Variants in UGT2B10 observed in about 807,000 individuals in gnomAD.
UGT2B10 encodes UDP glucuronosyltransferase family 2 member B10, also known as UDP-glucuronosyltransferase 2B10.
Under a neutral mutation model 43.7 loss-of-function variants are expected in UGT2B10, and 51 were observed. The observed-to-expected ratio is 1.17, with a 90% CI of 0.93 to 1.47. The LOEUF is 1.47. Among genes scored for constraint, UGT2B10 ranks in the 40% most tolerant of loss-of-function variants. The probability of loss-of-function intolerance (pLI) is 0.00; values close to 1 mark genes in which losing one functional copy is unlikely to be tolerated. For synonymous variants in UGT2B10, 225 were observed against 209.0 expected, an observed-to-expected ratio of 1.08 and a Z score of -0.66; for missense variants, 696 against 617.7, an observed-to-expected ratio of 1.13 and a Z score of -1.34.
At chr4:68,830,550 A>C (rs1300256566) in intron 5 of UGT2B10, 50 bp from the exon 6 acceptor site, 1 of 1,555,328 alleles carries the variant, frequency 6.4e-7, no homozygotes, top group East Asian at 2.3e-5. Flanking sequence ...TGATATCTAC[A>C]GGCAAATTAA....
intron 2 of UGT2B10, among the ~76,000 whole-genome samples, chr4:68,821,478 A>T (rs539845889): frequency 2.0e-5 from 3 of 152,152 alleles, no homozygotes; most frequent in Non-Finnish European, 4.4e-5. Context: ...TCAATTTAAC[A>T]GTGTGATTTC....
At chr4:68,825,329 T>C (rs1271155079) in intron 3 of UGT2B10, among the ~76,000 whole-genome samples, 1 of 151,828 alleles carries the variant, frequency 6.6e-6, no homozygotes, top group Non-Finnish European at 1.5e-5. Context: ...TTAATTAAAT[T>C]AACTTTTATT....
At chr4:68,820,976 C>T (rs1376772379) in intron 2 of UGT2B10, among the ~76,000 whole-genome samples, 1 of 152,062 alleles carries the variant, frequency 6.6e-6, no homozygotes, top group Non-Finnish European at 1.5e-5. Flanking sequence ...GGCATCAAGC[C>T]AGTAAGATGA....
At chr4:68,821,942 A>T (rs1435324517) in intron 2 of UGT2B10, among the ~76,000 whole-genome samples, 7 of 116,592 alleles carry the variant, frequency 6.0e-5, no homozygotes, top group African/African-American at 1.8e-4. Context: ...TAGCAATTAT[A>T]GTATTATAAG....
chr4:68,828,298 G>GT (rs1250304791), intron 5 of UGT2B10, among the ~76,000 whole-genome samples: 1 of 150,752 alleles, frequency 6.6e-6, no homozygotes, highest in Non-Finnish European at 1.5e-5. Flanking sequence ...TCATGTCGTT[G>GT]TGTGTTTTAA....
At chr4:68,820,736 G>T (rs993898622) in intron 2 of UGT2B10, among the ~76,000 whole-genome samples, 1 of 151,836 alleles carries the variant, frequency 6.6e-6, no homozygotes, top group African/African-American at 2.4e-5. Flanking sequence ...TATAAGTAGG[G>T]CAAAATCCAT....
At chr4:68,819,910 T>C (rs1737408977) in intron 2 of UGT2B10, among the ~76,000 whole-genome samples, 3 of 152,200 alleles carry the variant, frequency 2.0e-5, no homozygotes, top group Non-Finnish European at 4.4e-5. Flanking sequence ...TGCAATCTCT[T>C]AAAAGATCAT....
At chr4:68,822,506 G>A (rs1008057598) in intron 3 of UGT2B10, 104 bp downstream of exon 3, 11 of 1,588,644 alleles carry the variant, frequency 6.9e-6, no homozygotes, top group Non-Finnish European at 9.4e-6. Flanking sequence ...ACTATTTATA[G>A]CTGAATACAA....
Position 68,821,387 on chromosome 4 carries a change from T to A in UGT2B10, c.868-884T>A, listed in dbSNP as rs138843714. Among the ~76,000 whole-genome samples the A allele has an allele frequency of 3.5e-3, 535 of 152,246 alleles. 4 individuals are homozygous for A. The highest frequency in any genetic ancestry group is 3.2e-3 in the Non-Finnish European group (218 of 68,000). On this transcript the variant is annotated intron_variant, in intron 2 of 5. Coordinates refer to ENST00000265403, the MANE Select transcript of UGT2B10 (RefSeq NM_001075.6). ...CCCTGAAGAAAGGCCTGGTGGCCTCTCCTATTCTGGTGCAAGTGCTGCCTC... is the reference window on the plus strand; with the variant it reads ...CCCTGAAGAAAGGCCTGGTGGCCTCACCTATTCTGGTGCAAGTGCTGCCTC...
At position 68,821,771 on chromosome 4, in the gene UGT2B10, G is replaced by A. The variant is rs562817443; in HGVS notation, c.868-500G>A. Among the ~76,000 whole-genome samples, 9 of 152,250 alleles carry A rather than the reference G, an allele frequency of 5.9e-5. No individual in the cohort carries two copies. The East Asian group carries it at 1.5e-3, about 26-fold the overall frequency. ...GTAGATATAAAATTATCCCAACTGTGAGTAGCTTTTCCTCAGTACTCATAG... is the reference window on the plus strand; with the variant it reads ...GTAGATATAAAATTATCCCAACTGTAAGTAGCTTTTCCTCAGTACTCATAG... On this transcript the variant is annotated intron_variant, in intron 2 of 5. Transcript: ENST00000265403.
chr4:68,827,490 A>G lies in UGT2B10; in HGVS notation c.1249A>G (p.Asn417Asp), dbSNP rs531958095. Residue 417 changes from asparagine (N) to aspartate (D), a missense_variant, in exon 5 of 6, where the codon AAC becomes GAC. Physicochemically the swap from Asn to Asp is conservative, Grantham distance 23. Coordinates refer to ENST00000265403, the MANE Select transcript of UGT2B10 (RefSeq NM_001075.6). ...GGGAGCAGCTGTTAGAGTGGACTTCAACACAATGTCGAGTACAGACCTGCT... is the reference window on the plus strand; with the variant it reads ...GGGAGCAGCTGTTAGAGTGGACTTCGACACAATGTCGAGTACAGACCTGCT... ...AKGAAVRVDF[N>D]TMSSTDLLNA... 6.2e-7 allele frequency: 1 copy of G among 1,613,480 alleles called. No individual in the cohort carries two copies. The highest frequency in any genetic ancestry group is 1.7e-5 in the Admixed American group (1 of 59,960).
At chr4:68,823,320 A>G (rs1481349825) in intron 3 of UGT2B10, among the ~76,000 whole-genome samples, 1 of 152,120 alleles carries the variant, frequency 6.6e-6, no homozygotes, top group South Asian at 2.1e-4. Flanking sequence ...ACCCTGAACG[A>G]TATGGTGAAA....
At position 68,819,755 on chromosome 4, in the gene UGT2B10, G is replaced by C. The variant is rs372583326; in HGVS notation, c.867+1578G>C. Among the ~76,000 whole-genome samples the C allele has an allele frequency of 1.4e-4, 22 of 151,994 alleles. No homozygotes were observed. In the South Asian group the frequency reaches 2.3e-3, roughly 16 times the overall value. On this transcript the variant is annotated intron_variant, in intron 2 of 5. Coordinates refer to ENST00000265403, the MANE Select transcript of UGT2B10 (RefSeq NM_001075.6). ...AATTTCTGCCACTTGTTTCTGAATA[G>C]TGCCCTTAATTTCAATACGAAAAAA... is the stretch of plus-strand genomic sequence containing the variant.
At chr4:68,826,734 A>G (rs1388262000) in intron 4 of UGT2B10, among the ~76,000 whole-genome samples, 1 of 152,106 alleles carries the variant, frequency 6.6e-6, no homozygotes, top group Non-Finnish European at 1.5e-5. Context: ...GTGCTATTAT[A>G]TCTCACAGAA....
At chr4:68,817,229 T>C (rs1445841462) in intron 1 of UGT2B10, among the ~76,000 whole-genome samples, 3 of 151,782 alleles carry the variant, frequency 2.0e-5, no homozygotes, top group African/African-American at 7.2e-5. Flanking sequence ...AGAGATAATG[T>C]CTATATCTCA....
chr4:68,818,060 G>T lies in UGT2B10; in HGVS notation c.750G>T (p.Arg250Ser). Residue 250 changes from arginine to serine, a missense_variant, in exon 2 of 6, where the codon AGG (arginine) becomes AGT (serine). Arg to Ser is a moderately radical substitution (Grantham distance 110, BLOSUM62 -1). Coordinates refer to ENST00000265403, the MANE Select transcript of UGT2B10 (RefSeq NM_001075.6). ...GRPTTLSETM[R>S]KADIWLMRNS... ...CCACTACATTATCTGAGACAATGAG[G>T]AAAGCTGACATATGGCTTATGCGAA... The T allele has an allele frequency of 6.2e-7, 1 of 1,610,834 alleles. No homozygotes were observed. The highest frequency in any genetic ancestry group is 8.5e-7 in the Non-Finnish European group (1 of 1,178,258).
chr4:68,830,982 A>T lies in UGT2B10; in HGVS notation c.*103A>T. 2 of 1,463,424 alleles carry T rather than the reference A, an allele frequency of 1.4e-6. No individual in the cohort carries two copies. The highest frequency in any genetic ancestry group is 2.8e-5 in the South Asian group (2 of 70,478). 90.7% of individuals were successfully genotyped at this position (1,463,424 alleles called of 1,614,324 possible). On this transcript the variant is annotated 3_prime_UTR_variant, in exon 6 of 6. Coordinates refer to ENST00000265403, the MANE Select transcript of UGT2B10 (RefSeq NM_001075.6). ...CAAGATTTCTTTCTTCCTGTGACAA[A>T]AAAAAATCCTTTCGAAGTCTACCTT...
intron 2 of UGT2B10, among the ~76,000 whole-genome samples, chr4:68,821,599 T>C (rs191052145): frequency 4.1e-4 from 63 of 152,300 alleles, no homozygotes; most frequent in African/African-American, 1.4e-3. Context: ...GACTGATTCA[T>C]AAATATTCCA....
intron 3 of UGT2B10, 65 bp from the exon 4 acceptor site, chr4:68,826,345 A>T (rs912792047): frequency 5.3e-6 from 8 of 1,507,202 alleles, no homozygotes; most frequent in Non-Finnish European, 7.2e-6. Flanking sequence ...CTCTTTTTAC[A>T]GTTCTAACAT....
Sources: gnomAD v4.1 joint callset for allele counts (sites outside exome capture counted in the v4.1 genomes callset) on GRCh38, gnomAD v4.1.1 for gene constraint, MANE v1.5 for transcripts, NCBI Gene and HGNC (gene_info 2026-07-23, HGNC 2026-07-21) for gene names.